Variants in CCAR1 observed in about 807,000 individuals in gnomAD.
The protein encoded by CCAR1 is cell division cycle and apoptosis regulator protein 1.
A neutral mutation model predicts 163.8 loss-of-function variants in CCAR1; 78 were observed. The ratio of observed to expected loss-of-function variants is 0.48; its 90% confidence interval spans 0.40 to 0.57. CCAR1 has a LOEUF of 0.57. Ranked by LOEUF, CCAR1 falls within the 20% of genes least tolerant of loss-of-function variation. The pLI, the probability that CCAR1 is intolerant of heterozygous loss-of-function variation, is 0.00. For synonymous variants in CCAR1, 443 were observed against 460.7 expected (o/e 0.96, Z 0.49); for missense variants, 1,019 against 1,365.2 (o/e 0.75, Z 4.00).
intron 11 of CCAR1, 83 bp from the exon 12 acceptor site, chr10:68,754,631 T>G: frequency 2.9e-6 from 2 of 690,476 alleles, no homozygotes; most frequent in Non-Finnish European, 5.1e-6. Flanking sequence ...AGACATCTTA[T>G]ATTTAAAGAT....
chr10:68,747,454 T>C lies in CCAR1; in HGVS notation c.714T>C (p.Val238=). Reference sequence around the variant, plus strand: ...TTGCACCACAGACAACATTTGGTGTTCAGACTCAGCCCCAGCCCCAGTCAC... The same window carrying C: ...TTGCACCACAGACAACATTTGGTGTCCAGACTCAGCCCCAGCCCCAGTCAC... The part of the protein sequence containing the change: ...QPIAPQTTFG[V]QTQPQPQSLL... The change falls in exon 8 of 25, where the codon GTT becomes GTC. Residue 238 remains valine (V), a synonymous_variant. Coordinates refer to ENST00000265872, the MANE Select transcript of CCAR1 (RefSeq NM_018237.4). The C allele has an allele frequency of 6.2e-7, 1 of 1,614,130 alleles. No homozygotes were observed. The highest frequency in any genetic ancestry group is 1.1e-5 in the South Asian group (1 of 91,076).
intron 2 of CCAR1, among the ~76,000 whole-genome samples, chr10:68,727,350 A>G (rs1564526895): frequency 6.6e-6 from 1 of 152,052 alleles, no homozygotes; most frequent in Non-Finnish European, 1.5e-5. Context: ...GCTAAGCTAG[A>G]TTCTATCCCA....
At chr10:68,732,924 G>GA (rs987713528) in intron 2 of CCAR1, among the ~76,000 whole-genome samples, 1 of 151,958 alleles carries the variant, frequency 6.6e-6, no homozygotes, top group Non-Finnish European at 1.5e-5. Flanking sequence ...CTGCATCTCT[G>GA]AAAAAATAAT....
rs1564547652 is a variant in CCAR1, at chr10:68,771,409, TGATAAA to T, written c.2509_2514del (p.Asp837_Lys838del). ...AACCCAAACGGAGAAAATCAGGCGATGATAAAGATAAAAAAGAAGATAGAGATGAAA... is the reference window on the plus strand; with the variant it reads ...AACCCAAACGGAGAAAATCAGGCGATGATAAAAAAGAAGATAGAGATGAAA... On this transcript the variant is annotated inframe_deletion, in exon 18 of 25. Coordinates refer to ENST00000265872, the MANE Select transcript of CCAR1 (RefSeq NM_018237.4). 5 of 1,585,228 alleles carry T rather than the reference TGATAAA, an allele frequency of 3.2e-6. No individual in the cohort carries two copies. The highest frequency in any genetic ancestry group is 4.5e-5 in the East Asian group (2 of 44,678).
chr10:68,722,928 A>C (rs2055880311), intron 2 of CCAR1, among the ~76,000 whole-genome samples: 1 of 151,916 alleles, frequency 6.6e-6, no homozygotes, highest in Non-Finnish European at 1.5e-5. Flanking sequence ...TCTCAAAAAA[A>C]CAAAACAAAA....
In CCAR1 at chr10:68,763,573, G is replaced by T. The variant is rs138250735; in HGVS notation, c.2107-2315G>T. ...AGCGATTCTTGTACCTCAGCCTCCC[G>T]AGTAGCTGGGATTACAGGCGCCTGC... On this transcript the variant is annotated intron_variant, in intron 16 of 24. Coordinates refer to ENST00000265872, the MANE Select transcript of CCAR1 (RefSeq NM_018237.4). 1.1e-4 allele frequency among the ~76,000 whole-genome samples: 16 copies of T among 152,144 alleles called. No individual in the cohort carries two copies. In the East Asian group the frequency reaches 1.2e-3, roughly 11 times the overall value.
In CCAR1 at chr10:68,742,414, T is replaced by C; in HGVS notation, c.363T>C (p.Thr121=). 6.2e-7 allele frequency: 1 copy of C among 1,614,066 alleles called. No individual in the cohort carries two copies. The highest frequency in any genetic ancestry group is 8.5e-7 in the Non-Finnish European group (1 of 1,179,960). ...VALPTSLSLS[T]PQPTAQITVS... Reference sequence around the variant, plus strand: ...TGCCTACAAGCCTTAGCCTGTCTACTCCTCAGCCAACAGCACAAATAACTG... The same window carrying C: ...TGCCTACAAGCCTTAGCCTGTCTACCCCTCAGCCAACAGCACAAATAACTG... Residue 121 remains threonine, a synonymous_variant, in exon 6 of 25, where the codon ACT becomes ACC. Coordinates refer to ENST00000265872, the MANE Select transcript of CCAR1 (RefSeq NM_018237.4).
At chr10:68,725,667 TTTTA>T (rs2055933279) in intron 2 of CCAR1, among the ~76,000 whole-genome samples, 4 of 152,288 alleles carry the variant, frequency 2.6e-5, no homozygotes, top group Middle Eastern at 6.8e-3. Flanking sequence ...TTGAATATAT[TTTTA>T]TTTATTTTAT....
chr10:68,739,441 G>A (rs996544398), intron 4 of CCAR1, among the ~76,000 whole-genome samples: 2 of 152,088 alleles, frequency 1.3e-5, no homozygotes, highest in Admixed American at 6.6e-5. Flanking sequence ...GAGGCACTGC[G>A]CCCAGCCTCA....
At chr10:68,737,403 G>C (rs1047990417) in intron 3 of CCAR1, among the ~76,000 whole-genome samples, 1 of 151,136 alleles carries the variant, frequency 6.6e-6, no homozygotes, top group African/African-American at 2.4e-5. Flanking sequence ...TTGGGAGGTT[G>C]AGATGGGAGG....
At chr10:68,766,122 CATT>C (rs2056532061) in intron 17 of CCAR1, 43 bp downstream of exon 17, 2 of 1,160,008 alleles carry the variant, frequency 1.7e-6, no homozygotes, top group African/African-American at 3.1e-5. Context: ...AAGGTCCACA[CATT>C]ATGACTAGTT....
intron 2 of CCAR1, among the ~76,000 whole-genome samples, chr10:68,723,264 G>A (rs1218612353): frequency 6.6e-6 from 1 of 150,520 alleles, no homozygotes; most frequent in Non-Finnish European, 1.5e-5. Context: ...TGGGACTACA[G>A]GCACCCGCCA....
Position 68,788,260 on chromosome 10 carries a change from A to C in CCAR1, c.3119A>C (p.Lys1040Thr). Residue 1040 changes from lysine to threonine, a missense_variant, in exon 23 of 25, where the codon AAA (lysine) becomes ACA (threonine). By Grantham distance (78) the Lys-to-Thr change is moderately conservative. Transcript: ENST00000265872. The part of the protein sequence containing the change: ...AMVDVGSLLQ[K>T]LEKSEKVRAE... ...GTAGATGTAGGAAGCCTCTTGCAAA[A>C]ATTGGAAAAGAGCGAAAAAGTAAGA... The C allele has an allele frequency of 6.3e-7, 1 of 1,599,618 alleles. No individual in the cohort carries two copies. The highest frequency in any genetic ancestry group is 8.5e-7 in the Non-Finnish European group (1 of 1,175,866).
At position 68,747,519 on chromosome 10, in the gene CCAR1, T is replaced by G; in HGVS notation, c.779T>G (p.Leu260Arg). Residue 260 changes from leucine to arginine, a missense_variant, in exon 8 of 25, where the codon CTA becomes CGA. Physicochemically the swap from Leu to Arg is moderately radical, Grantham distance 102. Transcript: ENST00000265872. ...AQISAASITP[L>R]LQTQPQPLLQ... ...ATTTCAGCAGCTTCTATTACACCAC[T>G]ATTGCAGACTCAACCACAGCCCTTA... The G allele has an allele frequency of 6.2e-7, 1 of 1,614,160 alleles. No individual in the cohort carries two copies. Among genetic ancestry groups the G allele is most frequent in the Admixed American group, 1.7e-5 (1 of 60,022 alleles).
chr10:68,780,140 T>C, intron 19 of CCAR1, among the ~76,000 whole-genome samples: 1 of 152,202 alleles, frequency 6.6e-6, no homozygotes, highest in East Asian at 1.9e-4. Flanking sequence ...GTGGATTATA[T>C]TGTGAGTATT....
At chr10:68,777,683 CA>C (rs34289016) in intron 19 of CCAR1, among the ~76,000 whole-genome samples, 124 of 115,352 alleles carry the variant, frequency 1.1e-3, no homozygotes, top group Admixed American at 1.1e-3. Context: ...GACTCCGTCT[CA>C]AAAAAAAAAA....
chr10:68,749,389 A>G lies in CCAR1; in HGVS notation c.956+124A>G, dbSNP rs909006542. 12 of 1,272,664 alleles carry G rather than the reference A, an allele frequency of 9.4e-6. No homozygotes were observed. In the African/African-American group the frequency reaches 1.4e-4, roughly 14 times the overall value. 78.8% of individuals were successfully genotyped at this position (1,272,664 alleles called of 1,614,324 possible). ...AAATGGTAAATTTTATGTTATGTCT[A>G]TTTTACTACAATTTTTAAAAAGTTA... On this transcript the variant is annotated intron_variant, in intron 9 of 24. Coordinates refer to ENST00000265872, the MANE Select transcript of CCAR1 (RefSeq NM_018237.4).
chr10:68,743,525 TC>T (rs1198565689), intron 6 of CCAR1, among the ~76,000 whole-genome samples: 1 of 151,870 alleles, frequency 6.6e-6, no homozygotes, highest in Non-Finnish European at 1.5e-5. Context: ...GAATTTTGTT[TC>T]TTTTTCTTTC....
rs534580658 is a variant in CCAR1, at chr10:68,721,263, T to C, written c.-70T>C. 1.1e-5 allele frequency: 2 copies of C among 179,760 alleles called. No individual in the cohort carries two copies. The highest frequency in any genetic ancestry group is 6.5e-5 in the Admixed American group (1 of 15,482). 11.1% of individuals were successfully genotyped at this position (179,760 alleles called of 1,614,324 possible). On this transcript the variant is annotated 5_prime_UTR_variant, in exon 1 of 25. Coordinates refer to ENST00000265872, the MANE Select transcript of CCAR1 (RefSeq NM_018237.4). ...TGACGGGTTTGAAATGGCTTCGATGTTAGCCGGGACCCGACTCAGGTGAAG... is the reference window on the plus strand; with the variant it reads ...TGACGGGTTTGAAATGGCTTCGATGCTAGCCGGGACCCGACTCAGGTGAAG...
Sources: allele counts gnomAD v4.1 joint callset (sites outside exome capture counted in the v4.1 genomes callset), GRCh38; gene constraint gnomAD v4.1.1; transcripts MANE v1.5; gene names NCBI Gene and HGNC (gene_info 2026-07-23, HGNC 2026-07-21).